The following PSAT1 variants were observed in gnomAD, a reference collection of about 807,000 sequenced individuals.
The protein encoded by PSAT1 is phosphoserine aminotransferase.
PSAT1 carries 41 observed loss-of-function variants against 40.3 expected under a neutral mutation model. The observed-to-expected ratio is 1.02, with a 90% CI of 0.79 to 1.32. The LOEUF (loss-of-function observed/expected upper bound fraction) is 1.32, where lower values mean the gene tolerates loss of function less well. Among genes scored for constraint, PSAT1 ranks in the 40% most tolerant of loss-of-function variants. PSAT1 has a pLI of 0.00. For synonymous variants in PSAT1, 147 were observed against 170.5 expected (o/e 0.86, Z 1.07); for missense variants, 406 against 455.8 (o/e 0.89, Z 0.99).
At position 78,322,114 on chromosome 9, in the gene PSAT1, T is replaced by C. The variant is rs114628141; in HGVS notation, c.869+4310T>C. Among the ~76,000 whole-genome samples the C allele has an allele frequency of 5.4e-3, 808 of 149,554 alleles. 9 individuals are homozygous for C. Among genetic ancestry groups the C allele is most frequent in the African/African-American group, 0.019 (764 of 41,088 alleles). On this transcript the variant is annotated intron_variant, in intron 7 of 8. Coordinates refer to ENST00000376588, the MANE Select transcript of PSAT1 (RefSeq NM_058179.4). The stretch of plus-strand genomic sequence containing the variant: ...GACACACAGTGCTTATATAAGCTTA[T>C]GTAATATAATTAATTATATAAGTAT...
In PSAT1 at chr9:78,306,305, C is replaced by G. The variant is rs542270699; in HGVS notation, c.398-9C>G. The G allele has an allele frequency of 4.3e-6, 7 of 1,612,078 alleles. No individual in the cohort carries two copies. The East Asian group carries it at 1.3e-4, about 31-fold the overall frequency. ...AAGTGCAAAGTCTCAAACTTGTCTTCTGTGATAGAAATTCCAGATCCAAGC... is the reference window on the plus strand; with the variant it reads ...AAGTGCAAAGTCTCAAACTTGTCTTGTGTGATAGAAATTCCAGATCCAAGC... On this transcript the variant is annotated splice_polypyrimidine_tract_variant and intron_variant, in intron 4 of 8. Transcript: ENST00000376588.
chr9:78,297,352 A>G (rs1828041717), intron 1 of PSAT1, 82 bp downstream of exon 1: 3 of 1,475,702 alleles, frequency 2.0e-6, no homozygotes, highest in Non-Finnish European at 2.8e-6. Flanking sequence ...TGCGTGTGGC[A>G]GTCGGATTCC....
chr9:78,304,813 C>G lies in PSAT1; in HGVS notation c.270C>G (p.Leu90=), dbSNP rs775726256. ...AGTTCAGTGCTGTCCCCTTAAACCT[C>G]ATTGGCTTGAAAGCAGGAAGGTGTG... ...CGQFSAVPLN[L]IGLKAGRCAD... The change falls in exon 4 of 9, where the codon CTC becomes CTG. Residue 90 remains leucine, a synonymous_variant. Coordinates refer to ENST00000376588, the MANE Select transcript of PSAT1 (RefSeq NM_058179.4). 8.1e-6 allele frequency: 13 copies of G among 1,614,214 alleles called. No homozygotes were observed. The highest frequency in any genetic ancestry group is 1.1e-5 in the Non-Finnish European group (13 of 1,180,042).
At chr9:78,305,747 C>T (rs1019563661) in intron 4 of PSAT1, among the ~76,000 whole-genome samples, 4 of 152,162 alleles carry the variant, frequency 2.6e-5, no homozygotes, top group Non-Finnish European at 5.9e-5. Flanking sequence ...TCATTGGCTC[C>T]CCTGGAACTA....
chr9:78,310,769 G>C (rs1828255885), intron 6 of PSAT1, among the ~76,000 whole-genome samples: 1 of 152,074 alleles, frequency 6.6e-6, no homozygotes, highest in African/African-American at 2.4e-5. Flanking sequence ...CACCATGCCT[G>C]GCTACTTTTC....
At chr9:78,326,934 AATAT>A (rs1210919066) in intron 7 of PSAT1, among the ~76,000 whole-genome samples, 28 of 104,548 alleles carry the variant, frequency 2.7e-4, no homozygotes, top group African/African-American at 1.3e-3. Context: ...AAGTGACAGC[AATAT>A]ATATATATAT....
rs140723816 is a variant in PSAT1 at position 78,308,467 on chromosome 9, C to T, written c.624C>T (p.Thr208=). The part of the protein sequence containing the change: ...AQKNVGSAGV[T]VVIVRDDLLG... ...AGAATGTTGGCTCTGCTGGGGTCAC[C>T]GTGGTGATTGTCCGTGATGACCTGC... is the stretch of plus-strand genomic sequence containing the variant. Residue 208 remains threonine (T), a synonymous_variant, in exon 6 of 9, where the codon ACC becomes ACT. Coordinates refer to ENST00000376588, the MANE Select transcript of PSAT1 (RefSeq NM_058179.4). 9 of 1,613,706 alleles carry T rather than the reference C, an allele frequency of 5.6e-6. No individual in the cohort carries two copies. Among genetic ancestry groups the T allele is most frequent in the Admixed American group, 1.7e-5 (1 of 59,974 alleles).
intron 6 of PSAT1, among the ~76,000 whole-genome samples, chr9:78,310,744 A>G (rs1455847890): frequency 6.6e-6 from 1 of 151,676 alleles, no homozygotes; most frequent in African/African-American, 2.4e-5. Context: ...AGTAGCTGGG[A>G]GTACAGACGC....
At chr9:78,301,665 G>C (rs1274874579) in intron 2 of PSAT1, among the ~76,000 whole-genome samples, 1 of 152,198 alleles carries the variant, frequency 6.6e-6, no homozygotes, top group African/African-American at 2.4e-5. Context: ...GAAAGAGATG[G>C]TAAGAAGAAT....
chr9:78,317,677 A>G lies in PSAT1; in HGVS notation c.742A>G (p.Ile248Val). ...SLYNTPPCFS[I>V]YVMGLVLEWI... ...ATTTTTTAAAAATCTTCATTTTAGC[A>G]TCTACGTCATGGGCTTGGTTCTGGA... The change falls in exon 7 of 9, where the codon ATC becomes GTC. Residue 248 changes from isoleucine to valine, a missense_variant and splice_region_variant. Coordinates refer to ENST00000376588, the MANE Select transcript of PSAT1 (RefSeq NM_058179.4). The G allele has an allele frequency of 1.2e-6, 2 of 1,613,460 alleles. No homozygotes were observed. Among genetic ancestry groups the G allele is most frequent in the South Asian group, 1.1e-5 (1 of 91,060 alleles).
At chr9:78,298,176 ACCC>A in intron 1 of PSAT1, 6 of 456,626 alleles carry the variant, frequency 1.3e-5, no homozygotes, top group Non-Finnish European at 1.7e-5. Flanking sequence ...CCCCCGCCAA[ACCC>A]ACCGTCCCCA....
intron 6 of PSAT1, among the ~76,000 whole-genome samples, chr9:78,316,786 G>A (rs1191612200): frequency 6.6e-6 from 1 of 152,188 alleles, no homozygotes; most frequent in Non-Finnish European, 1.5e-5. Context: ...GGGAGGGGGA[G>A]CCCGTCCTTT....
In PSAT1 at chr9:78,328,196, C is replaced by T. The variant is rs1165234638; in HGVS notation, c.1007+8C>T. The T allele has an allele frequency of 1.9e-6, 3 of 1,613,990 alleles. No homozygotes were observed. The highest frequency in any genetic ancestry group is 2.5e-6 in the Non-Finnish European group (3 of 1,180,008). The stretch of plus-strand genomic sequence containing the variant: ...GTCCTTGAAAGGGCATAGGTGAGTA[C>T]ATCTGCAATGCACGAGCTTGGCAAA... On this transcript the variant is annotated splice_region_variant and intron_variant, in intron 8 of 8. Transcript: ENST00000376588.
intron 1 of PSAT1, among the ~76,000 whole-genome samples, chr9:78,299,144 C>CAAAAAAAAAAAAAAAAAAAAAAA (rs71360679): frequency 3.4e-5 from 3 of 87,288 alleles, no homozygotes; most frequent in African/African-American, 1.4e-4. Flanking sequence ...TGTCTCTTAA[C>CAAAAAAAAAAAAAAAAAAAAAAA]AAAAAAAAAA....
chr9:78,325,598 T>C (rs1010945688), intron 7 of PSAT1, among the ~76,000 whole-genome samples: 2 of 152,270 alleles, frequency 1.3e-5, no homozygotes, highest in Non-Finnish European at 2.9e-5. Flanking sequence ...ACCTTGCCGC[T>C]GCTGAATTCC....
In PSAT1 at chr9:78,330,028, T is replaced by C. The variant is rs1828557114; in HGVS notation, c.*942T>C. ...ACTTTGCTGAAAAGTCTTTCCCCTA[T>C]TGTTTATCTATTGTCAGTATTTTAT... On this transcript the variant is annotated 3_prime_UTR_variant, in exon 9 of 9. Coordinates refer to ENST00000376588, the MANE Select transcript of PSAT1 (RefSeq NM_058179.4). The C allele has an allele frequency of 6.6e-6, 1 of 152,218 alleles. No individual in the cohort carries two copies. The highest frequency in any genetic ancestry group is 2.4e-5 in the African/African-American group (1 of 41,450). The allele number at this position is 152,218 out of a possible 1,614,324, so 9.4% of individuals were successfully genotyped here.
At chr9:78,315,010 CA>C (rs147712942) in intron 6 of PSAT1, among the ~76,000 whole-genome samples, 15,134 of 151,932 alleles carry the variant, frequency 0.1, 890 homozygotes, top group South Asian at 0.13. Flanking sequence ...GAACAGGCTG[CA>C]GGTGTGGGAG....
intron 1 of PSAT1, 149 bp downstream of exon 1, chr9:78,297,419 C>T: frequency 1.0e-6 from 1 of 973,220 alleles, no homozygotes; most frequent in Non-Finnish European, 1.6e-6. Context: ...GCGGGATCAG[C>T]AGCTCCGGCA....
chr9:78,310,852 C>T (rs1046896105), intron 6 of PSAT1, among the ~76,000 whole-genome samples: 1 of 152,142 alleles, frequency 6.6e-6, no homozygotes. Flanking sequence ...AGGTGATCCA[C>T]CTGCCTCGGC....
Sources: gnomAD v4.1 joint callset for allele counts (sites outside exome capture counted in the v4.1 genomes callset) on GRCh38, gnomAD v4.1.1 for gene constraint, MANE v1.5 for transcripts, NCBI Gene and HGNC (gene_info 2026-07-23, HGNC 2026-07-21) for gene names.